Variants in BARD1 observed in about 807,000 individuals in gnomAD.
BARD1 encodes the protein BRCA1 associated RING domain 1, also known as BRCA1-associated RING domain protein 1.
BARD1 carries 73 observed loss-of-function variants against 77.0 expected under a neutral mutation model. The observed-to-expected ratio is 0.95, with a 90% confidence interval of 0.79 to 1.15. BARD1 has a LOEUF of 1.15. Among genes scored for constraint, BARD1 ranks in the 50% most tolerant of loss-of-function variants. BARD1 has a pLI of 0.00. For synonymous variants in BARD1, 384 were observed against 338.0 expected, an observed-to-expected ratio of 1.14 and a Z score of -1.49; for missense variants, 993 against 938.8, an observed-to-expected ratio of 1.06 and a Z score of -0.75.
rs1022091809 is a variant in BARD1, at chr2:214,730,819, A to C, written c.1904-311T>G. ...CCAGGATACTATTTCAAAGACAAAAATAAAAGTCTACATTTCCACTCATAG... is the reference window on the plus strand; with the variant it reads ...CCAGGATACTATTTCAAAGACAAAACTAAAAGTCTACATTTCCACTCATAG... On this transcript the variant is annotated intron_variant, in intron 9 of 10. Coordinates refer to ENST00000260947, the MANE Select transcript of BARD1 (RefSeq NM_000465.4). 13 of 462,268 alleles carry C rather than the reference A, an allele frequency of 2.8e-5. 1 individual carries two copies. Among genetic ancestry groups the C allele is most frequent in the Admixed American group, 8.0e-5 (3 of 37,490 alleles). 28.6% of individuals were successfully genotyped at this position (462,268 alleles called of 1,614,324 possible). A position where few individuals can be genotyped will look rare whatever the true frequency, so the allele number is the denominator to read the frequency against.
intron 3 of BARD1, 122 bp downstream of exon 3, chr2:214,792,175 G>T: frequency 1.0e-4 from 81 of 789,384 alleles, no homozygotes; most frequent in Non-Finnish European, 1.3e-4. Context: ...AAAACCTACA[G>T]ATTTTAAAAT....
chr2:214,798,047 C>A (rs1695837194), intron 1 of BARD1, among the ~76,000 whole-genome samples: 1 of 152,064 alleles, frequency 6.6e-6, no homozygotes, highest in South Asian at 2.1e-4. Context: ...ATTATACTAA[C>A]TCTAAAACCT....
rs550015046 is a variant in BARD1 at position 214,800,224 on chromosome 2, GATCAGTTGTACTAATTATTCTA to G, written c.159-3129_159-3108del. Among the ~76,000 whole-genome samples the G allele has an allele frequency of 2.1e-3, 319 of 152,276 alleles. 1 individual carries two copies. Among genetic ancestry groups the G allele is most frequent in the Admixed American group, 0.011 (162 of 15,296 alleles). On this transcript the variant is annotated intron_variant, in intron 1 of 10. Coordinates refer to ENST00000260947, the MANE Select transcript of BARD1 (RefSeq NM_000465.4). ...AATGATTTAACATGTGGGAATAATT[GATCAGTTGTACTAATTATTCTA>G]ATTAGTGAGTTAGAATATATATTTG...
At chr2:214,729,283 G>T (rs1027859083) in intron 10 of BARD1, among the ~76,000 whole-genome samples, 1 of 152,164 alleles carries the variant, frequency 6.6e-6, no homozygotes, top group Non-Finnish European at 1.5e-5. Flanking sequence ...AATATCTTCA[G>T]TAATTTTGTG....
intron 6 of BARD1, among the ~76,000 whole-genome samples, chr2:214,753,304 T>C (rs903331334): frequency 1.3e-5 from 2 of 152,174 alleles, no homozygotes; most frequent in African/African-American, 4.8e-5. Flanking sequence ...AGTCTTTCAA[T>C]TATAAGTAAC....
chr2:214,763,493 G>C (rs1442977805), intron 6 of BARD1, among the ~76,000 whole-genome samples: 1 of 152,188 alleles, frequency 6.6e-6, no homozygotes, highest in Admixed American at 6.5e-5. Context: ...TTGAGGTCAT[G>C]AAGAACACAG....
chr2:214,748,525 GA>G lies in BARD1; in HGVS notation c.1678-2672del, dbSNP rs200702067. Among the ~76,000 whole-genome samples, 991 of 151,770 alleles carry G rather than the reference GA, an allele frequency of 6.5e-3. 29 individuals are homozygous for G. The highest frequency in any genetic ancestry group is 0.055 in the Admixed American group (843 of 15,250). On this transcript the variant is annotated intron_variant, in intron 7 of 10. Transcript: ENST00000260947. ...ATCAAAAATGGGGTTAAAAAATCTA[GA>G]AAAAAAATTAAAAAGGTAAACATGC...
At chr2:214,772,687 T>C (rs1694561444) in intron 4 of BARD1, among the ~76,000 whole-genome samples, 1 of 152,326 alleles carries the variant, frequency 6.6e-6, no homozygotes, top group Admixed American at 6.5e-5. Context: ...AGCAAACGGC[T>C]TGCTTTTTAT....
At chr2:214,751,105 GTGTGTGTGTGTGTATATATATATA>G (rs1329033025) in intron 7 of BARD1, among the ~76,000 whole-genome samples, 23 of 9,984 alleles carry the variant, frequency 2.3e-3, no homozygotes, top group Admixed American at 0.016. Flanking sequence ...GTGTGTGTGT[GTGTGTGTGTGTGTATATATATATA>G]TATATATATA....
At chr2:214,751,138 TATATATA>T (rs1559393080) in intron 7 of BARD1, among the ~76,000 whole-genome samples, 5 of 44,142 alleles carry the variant, frequency 1.1e-4, no homozygotes, top group African/African-American at 2.0e-4. Flanking sequence ...TATATATATA[TATATATA>T]TATATATTTT....
At chr2:214,729,996 C>T (rs1378483260) in intron 10 of BARD1, among the ~76,000 whole-genome samples, 1 of 152,142 alleles carries the variant, frequency 6.6e-6, no homozygotes, top group African/African-American at 2.4e-5. Context: ...TCATAATTCC[C>T]TTCTATGGAA....
At chr2:214,747,796 T>C (rs555578416) in intron 7 of BARD1, among the ~76,000 whole-genome samples, 12 of 151,082 alleles carry the variant, frequency 7.9e-5, no homozygotes, top group Admixed American at 1.3e-4. Flanking sequence ...ACATGACACA[T>C]GTATACATAT....
At chr2:214,771,457 T>C (rs1472443771) in intron 4 of BARD1, among the ~76,000 whole-genome samples, 2 of 152,028 alleles carry the variant, frequency 1.3e-5, no homozygotes, top group Non-Finnish European at 2.9e-5. Context: ...TGGCCAGACG[T>C]GGTGGCTCAC....
At chr2:214,739,746 C>T (rs920260024) in intron 9 of BARD1, among the ~76,000 whole-genome samples, 18 of 152,034 alleles carry the variant, frequency 1.2e-4, no homozygotes, top group African/African-American at 3.1e-4. Context: ...TAAATACTGT[C>T]GACAGTCATT....
chr2:214,732,395 TTC>T (rs1692394897), intron 9 of BARD1, among the ~76,000 whole-genome samples: 2 of 151,970 alleles, frequency 1.3e-5, no homozygotes, highest in South Asian at 4.2e-4. Flanking sequence ...TGATTTTTTT[TTC>T]TTTTTTTTTT....
At chr2:214,757,615 T>C (rs915924821) in intron 6 of BARD1, among the ~76,000 whole-genome samples, 15 of 152,248 alleles carry the variant, frequency 9.9e-5, no homozygotes, top group African/African-American at 2.9e-4. Flanking sequence ...ATGGAATGAA[T>C]ATATTTGTAT....
chr2:214,749,050 G>C (rs1257208104), intron 7 of BARD1, among the ~76,000 whole-genome samples: 2 of 152,244 alleles, frequency 1.3e-5, no homozygotes, highest in East Asian at 3.9e-4. Context: ...CAACACACCA[G>C]GGGAAGGGGG....
intron 4 of BARD1, among the ~76,000 whole-genome samples, chr2:214,775,623 T>C (rs1348274271): frequency 6.6e-6 from 1 of 152,034 alleles, no homozygotes; most frequent in Non-Finnish European, 1.5e-5. Context: ...ACAGACTTGC[T>C]CAATGCAGGA....
intron 6 of BARD1, among the ~76,000 whole-genome samples, chr2:214,765,550 G>A (rs73989335): frequency 0.09 from 13,688 of 152,158 alleles, 817 homozygotes; most frequent in African/African-American, 0.17. Context: ...ATTCCCTAAC[G>A]CCCTGACCAG....
Sources: allele counts gnomAD v4.1 joint callset (sites outside exome capture counted in the v4.1 genomes callset), GRCh38; gene constraint gnomAD v4.1.1; transcripts MANE v1.5; gene names NCBI Gene and HGNC (gene_info 2026-07-23, HGNC 2026-07-21).